The following ATP1A1 variants were observed in gnomAD, a reference collection of about 807,000 sequenced individuals.
The protein encoded by ATP1A1 is sodium/potassium-transporting ATPase subunit alpha-1.
In ATP1A1, 14 loss-of-function variants were observed where a neutral mutation model predicts 114.8. That is an observed-to-expected ratio of 0.12 (90% CI 0.08 to 0.19). ATP1A1 has a LOEUF of 0.19. ATP1A1 is among the 10% of genes least tolerant of loss of function. The pLI is 1.00. For missense variants in ATP1A1, 524 were observed against 1,290.7 expected (o/e 0.41, Z 9.10); for synonymous variants, 471 against 466.3 (o/e 1.01, Z -0.13).
chr1:116,389,299 C>A lies in ATP1A1; in HGVS notation c.755-140C>A. 2 of 1,132,878 alleles carry A rather than the reference C, an allele frequency of 1.8e-6. No individual in the cohort carries two copies. The highest frequency in any genetic ancestry group is 2.5e-6 in the Non-Finnish European group (2 of 793,854). The allele number at this position is 1,132,878 out of a possible 1,614,324, so 70.2% of individuals were successfully genotyped here. A position where few individuals can be genotyped will look rare whatever the true frequency, so the allele number is the denominator to read the frequency against. On this transcript the variant is annotated intron_variant, in intron 7 of 22. Coordinates refer to ENST00000295598, the MANE Select transcript of ATP1A1 (RefSeq NM_000701.8). The surrounding 1 kb of genome is among the most constrained non-coding windows in gnomAD (Gnocchi z 6.9). ...AAGTCCCTTTGCCAAACAGCATGTA[C>A]AGCCAAAGAGCTGGCCCTTAAAAAG... is the stretch of plus-strand genomic sequence containing the variant.
At chr1:116,377,548 T>C (rs779170556) in intron 1 of ATP1A1, among the ~76,000 whole-genome samples, 2 of 152,230 alleles carry the variant, frequency 1.3e-5, no homozygotes, top group Admixed American at 6.5e-5. Flanking sequence ...ATCTCCTGTT[T>C]AATAGCATCT....
chr1:116,395,381 C>T lies in ATP1A1; in HGVS notation c.1836+96C>T, dbSNP rs908399550. 12 of 1,332,934 alleles carry T rather than the reference C, an allele frequency of 9.0e-6. 1 individual carries two copies. The highest frequency in any genetic ancestry group is 2.3e-5 in the Admixed American group (1 of 43,130). 82.6% of individuals were successfully genotyped at this position (1,332,934 alleles called of 1,614,324 possible). ...TTTGAGGTCCAGATGGCCAGCTGTT[C>T]TATCTCACCTGGAGTATTAATTTCT... On this transcript the variant is annotated intron_variant, in intron 13 of 22. Transcript: ENST00000295598. The surrounding 1 kb of genome is among the most constrained non-coding windows in gnomAD (Gnocchi z 6.4).
At position 116,395,147 on chromosome 1, in the gene ATP1A1, T is replaced by C. The variant is rs764771825; in HGVS notation, c.1698T>C (p.Pro566=). The C allele has an allele frequency of 6.2e-6, 10 of 1,614,038 alleles. No individual in the cohort carries two copies. The African/African-American group carries it at 1.3e-4, about 22-fold the overall frequency. The change falls in exon 13 of 23, where the codon CCT becomes CCC. Residue 566 remains proline, a synonymous_variant. Transcript: ENST00000295598. This position sits in a 1 kb window ranked among gnomAD's most constrained non-coding sequence, Gnocchi z 6.4. ...TCTTTCTGCCAGATGAACAGTTTCC[T>C]GAAGGGTTCCAGTTTGACACTGACG... is the stretch of plus-strand genomic sequence containing the variant. ...CHLFLPDEQF[P]EGFQFDTDDV...
In ATP1A1 at chr1:116,393,854, ATCC is replaced by A; in HGVS notation, c.1660+136_1660+138del. On this transcript the variant is annotated intron_variant, in intron 12 of 22. Transcript: ENST00000295598. The surrounding 1 kb of genome is among the most constrained non-coding windows in gnomAD (Gnocchi z 5.0). ...CCTTCCTCTACATCTTTTAGGGGCA[ATCC>A]TCCTATTTGTTTATTTGCCCCCTAT... The A allele has an allele frequency of 1.1e-6, 1 of 892,344 alleles. No individual in the cohort carries two copies. The highest frequency in any genetic ancestry group is 2.0e-5 in the South Asian group (1 of 51,234). 55.3% of individuals were successfully genotyped at this position (892,344 alleles called of 1,614,324 possible).
At position 116,388,081 on chromosome 1, in the gene ATP1A1, C is replaced by T; in HGVS notation, c.388-50C>T. On this transcript the variant is annotated intron_variant, in intron 4 of 22. Transcript: ENST00000295598. This position sits in a 1 kb window ranked among gnomAD's most constrained non-coding sequence, Gnocchi z 5.6. ...TCAGTCAAAAAATTAATTGAATGTC[C>T]CTAATTATTGTGTAGAGCCACGGGC... is the stretch of plus-strand genomic sequence containing the variant. 1 of 1,200,364 alleles carries T rather than the reference C, an allele frequency of 8.3e-7. No homozygotes were observed. The highest frequency in any genetic ancestry group is 1.2e-6 in the Non-Finnish European group (1 of 829,752). 74.4% of individuals were successfully genotyped at this position (1,200,364 alleles called of 1,614,324 possible).
intron 1 of ATP1A1, among the ~76,000 whole-genome samples, chr1:116,375,058 A>G (rs192562048): frequency 6.6e-6 from 1 of 152,316 alleles, no homozygotes; most frequent in Admixed American, 6.5e-5. Flanking sequence ...TGCTTTTACC[A>G]CACCGTCAAA....
chr1:116,392,775 G>A lies in ATP1A1; in HGVS notation c.1333-79G>A, dbSNP rs1243166808. On this transcript the variant is annotated intron_variant, in intron 10 of 22. Coordinates refer to ENST00000295598, the MANE Select transcript of ATP1A1 (RefSeq NM_000701.8). Reference sequence around the variant, plus strand: ...CTCTGACAAGATTGGAATGTGTCTTGAGTTATTTTTCCTGTTTTTTAGTGA... The same window carrying A: ...CTCTGACAAGATTGGAATGTGTCTTAAGTTATTTTTCCTGTTTTTTAGTGA... 4 of 1,525,198 alleles carry A rather than the reference G, an allele frequency of 2.6e-6. No homozygotes were observed. The Admixed American group carries it at 7.4e-5, about 28-fold the overall frequency. 94.5% of individuals were successfully genotyped at this position (1,525,198 alleles called of 1,614,324 possible).
At chr1:116,377,813 C>T (rs1199039459) in intron 1 of ATP1A1, among the ~76,000 whole-genome samples, 1 of 152,172 alleles carries the variant, frequency 6.6e-6, no homozygotes, top group Non-Finnish European at 1.5e-5. Flanking sequence ...CGGCAAAGCA[C>T]CAGGCAAAAT....
Position 116,384,139 on chromosome 1 carries a change from G to A in ATP1A1, c.123+15G>A. ...AAGTTTCTATGGTAAGTACTAGGAG[G>A]AATATTGTATTCCATCCTTATTAAA... On this transcript the variant is annotated intron_variant, in intron 2 of 22. Coordinates refer to ENST00000295598, the MANE Select transcript of ATP1A1 (RefSeq NM_000701.8). This position sits in a 1 kb window ranked among gnomAD's most constrained non-coding sequence, Gnocchi z 5.1. 6.3e-7 allele frequency: 1 copy of A among 1,596,840 alleles called. No homozygotes were observed. Among genetic ancestry groups the A allele is most frequent in the Non-Finnish European group, 8.6e-7 (1 of 1,164,724 alleles).
chr1:116,373,278 G>A lies in ATP1A1; in HGVS notation c.-234G>A. The A allele has an allele frequency of 5.0e-6, 2 of 397,290 alleles. No homozygotes were observed. Among genetic ancestry groups the A allele is most frequent in the Admixed American group, 4.6e-5 (1 of 21,562 alleles). The allele number at this position is 397,290 out of a possible 1,614,324, so 24.6% of individuals were successfully genotyped here. On this transcript the variant is annotated 5_prime_UTR_variant, in exon 1 of 23. Transcript: ENST00000295598. ...GCGGGGTCTGGGGCGCAGAGCAGCG[G>A]CGGGAGGAGGCGGACACGTGGCAAC... is the stretch of plus-strand genomic sequence containing the variant.
rs1652636994 is a variant in ATP1A1 at position 116,393,466 on chromosome 1, G to A, written c.1468-65G>A. ...AATACTAAATAGTAAGTGAAGCTTT[G>A]TTTTCCACCATGGACTGCCACACAT... On this transcript the variant is annotated intron_variant, in intron 11 of 22. Coordinates refer to ENST00000295598, the MANE Select transcript of ATP1A1 (RefSeq NM_000701.8). The surrounding 1 kb of genome is among the most constrained non-coding windows in gnomAD (Gnocchi z 5.0). 8 of 1,505,364 alleles carry A rather than the reference G, an allele frequency of 5.3e-6. No homozygotes were observed. Among genetic ancestry groups the A allele is most frequent in the Non-Finnish European group, 7.2e-6 (8 of 1,114,460 alleles). The allele number at this position is 1,505,364 out of a possible 1,614,324, so 93.3% of individuals were successfully genotyped here.
At chr1:116,403,552 A>G (rs1485570212) in intron 21 of ATP1A1, among the ~76,000 whole-genome samples, 1 of 152,200 alleles carries the variant, frequency 6.6e-6, no homozygotes, top group Admixed American at 6.5e-5. Context: ...AAGAAAGAAA[A>G]TGTTCAGTTG....
Position 116,373,534 on chromosome 1 carries a change from GGC to G in ATP1A1, c.12+16_12+17del. The stretch of plus-strand genomic sequence containing the variant: ...ACCATGGGGAAGGGGGTGAGTGTCC[GGC>G]GCGCCCGGGGAGGGGGCTCGGGGAG... On this transcript the variant is annotated intron_variant, in intron 1 of 22. Coordinates refer to ENST00000295598, the MANE Select transcript of ATP1A1 (RefSeq NM_000701.8). 6.9e-7 allele frequency: 1 copy of G among 1,449,928 alleles called. No individual in the cohort carries two copies. The highest frequency in any genetic ancestry group is 1.5e-5 in the African/African-American group (1 of 66,750). 89.8% of individuals were successfully genotyped at this position (1,449,928 alleles called of 1,614,324 possible).
At chr1:116,374,294 G>A (rs937543389) in intron 1 of ATP1A1, 12 of 1,551,490 alleles carry the variant, frequency 7.7e-6, no homozygotes, top group Non-Finnish European at 1.0e-5. Context: ...AGGATGCACC[G>A]ATGGCAACTG....
chr1:116,403,829 C>G, intron 21 of ATP1A1, 55 bp from the exon 22 acceptor site: 2 of 1,461,480 alleles, frequency 1.4e-6, no homozygotes, highest in Non-Finnish European at 1.9e-6. Flanking sequence ...ATTTCTCTTT[C>G]TTTATTTGAA....
chr1:116,397,852 T>C lies in ATP1A1; in HGVS notation c.1974-36T>C, dbSNP rs749088596. The C allele has an allele frequency of 3.8e-6, 6 of 1,595,308 alleles. No individual in the cohort carries two copies. Among genetic ancestry groups the C allele is most frequent in the South Asian group, 2.2e-5 (2 of 89,702 alleles). ...TGATGGACACATGCTGGTGATGTGA[T>C]GCGTGACTTTTTTTTTTTTTTTGTC... On this transcript the variant is annotated intron_variant, in intron 14 of 22. Transcript: ENST00000295598. The surrounding 1 kb of genome is among the most constrained non-coding windows in gnomAD (Gnocchi z 4.2).
rs1652660994 is a variant in ATP1A1 at position 116,393,711 on chromosome 1, G to A, written c.1648G>A (p.Glu550Lys). Residue 550 changes from glutamate to lysine, a missense_variant, in exon 12 of 23, where the codon GAA (glutamate) becomes AAA (lysine). Transcript: ENST00000295598. This position sits in a 1 kb window ranked among gnomAD's most constrained non-coding sequence, Gnocchi z 5.0. Reference sequence around the variant, plus strand: ...CTATTTGGAGCTGGGGGGCCTCGGAGAACGAGTCCTAGGTATGCAGATAAC... The same window carrying A: ...CTATTTGGAGCTGGGGGGCCTCGGAAAACGAGTCCTAGGTATGCAGATAAC... Reference protein sequence around the residue: ...NAYLELGGLGERVLGFCHLFL... With the variant: ...NAYLELGGLGKRVLGFCHLFL... The A allele has an allele frequency of 6.2e-7, 1 of 1,612,928 alleles. No homozygotes were observed. Among genetic ancestry groups the A allele is most frequent in the African/African-American group, 1.3e-5 (1 of 74,912 alleles).
Position 116,373,808 on chromosome 1 carries a change from G to A in ATP1A1, c.12+285G>A, listed in dbSNP as rs1367324925. ...GCTGCGCGCCCCGGAGGCCGAGCGG[G>A]CCGGGGGCTCCGAGAGGCGGTGCTT... On this transcript the variant is annotated intron_variant, in intron 1 of 22. Coordinates refer to ENST00000295598, the MANE Select transcript of ATP1A1 (RefSeq NM_000701.8). The A allele has an allele frequency of 4.1e-6, 5 of 1,229,678 alleles. No homozygotes were observed. The East Asian group carries it at 1.5e-4, about 36-fold the overall frequency. 76.2% of individuals were successfully genotyped at this position (1,229,678 alleles called of 1,614,324 possible).
chr1:116,390,067 G>C, intron 8 of ATP1A1, 146 bp from the exon 9 acceptor site: 1 of 846,620 alleles, frequency 1.2e-6, no homozygotes. Flanking sequence ...TCATGTATGG[G>C]TTCCCCTTAT....
Sources: allele counts gnomAD v4.1 joint callset (sites outside exome capture counted in the v4.1 genomes callset), GRCh38; gene constraint gnomAD v4.1.1; non-coding constraint Gnocchi (gnomAD v3.1); transcripts MANE v1.5; gene names NCBI Gene and HGNC (gene_info 2026-07-23, HGNC 2026-07-21).